Variants in PTPRT observed in about 807,000 individuals in gnomAD.
The protein encoded by PTPRT is receptor-type tyrosine-protein phosphatase T.
PTPRT carries 56 observed loss-of-function variants against 176.8 expected under a neutral mutation model. The ratio of observed to expected loss-of-function variants is 0.32; its 90% CI spans 0.26 to 0.40. PTPRT has a LOEUF of 0.40. Ranked by LOEUF, PTPRT falls within the 10% of genes least tolerant of loss-of-function variation. The pLI, the probability that PTPRT is intolerant of heterozygous loss-of-function variation, is 1.00. For missense variants in PTPRT, 1,540 were observed against 1,908.2 expected, an observed-to-expected ratio of 0.81 and a Z score of 3.60; for synonymous variants, 783 against 739.0, an observed-to-expected ratio of 1.06 and a Z score of -0.96.
At chr20:43,099,664 C>A (rs2012311401) in intron 1 of PTPRT, among the ~76,000 whole-genome samples, 1 of 152,184 alleles carries the variant, frequency 6.6e-6, no homozygotes, top group South Asian at 2.1e-4. Flanking sequence ...ACCTCCGGGT[C>A]TCTGCTTCTG....
chr20:42,274,866 G>A (rs961958584), intron 13 of PTPRT, among the ~76,000 whole-genome samples: 2 of 152,130 alleles, frequency 1.3e-5, no homozygotes, highest in Non-Finnish European at 2.9e-5. Flanking sequence ...ACCATCACAT[G>A]CTAAATATTC....
intron 1 of PTPRT, among the ~76,000 whole-genome samples, chr20:43,187,620 G>T (rs1371707681): frequency 6.6e-6 from 1 of 151,944 alleles, no homozygotes; most frequent in Non-Finnish European, 1.5e-5. Flanking sequence ...TTCGTTTAAG[G>T]AGCCCCTGGC....
At chr20:42,632,750 C>T (rs1010682969) in intron 7 of PTPRT, among the ~76,000 whole-genome samples, 1 of 151,404 alleles carries the variant, frequency 6.6e-6, no homozygotes, top group Non-Finnish European at 1.5e-5. Flanking sequence ...AGTATAGCAG[C>T]TTTCCTGAGT....
rs966115650 is a variant in PTPRT, at chr20:42,270,304, G to A, written c.2176+12185C>T. On this transcript the variant is annotated intron_variant, in intron 13 of 30. Transcript: ENST00000373187. ...GGTGGGTGGGTGGGTGGGGTGGAAA[G>A]ACTGCTGATTCCTCTCTGGTGCACC... The A allele has an allele frequency of 2.2e-5, 27 of 1,225,384 alleles. No homozygotes were observed. In the African/African-American group the frequency reaches 2.4e-4, roughly 11 times the overall value. The allele number at this position is 1,225,384 out of a possible 1,614,324, so 75.9% of individuals were successfully genotyped here.
chr20:42,438,047 C>T (rs988553362), intron 9 of PTPRT, among the ~76,000 whole-genome samples: 9 of 152,164 alleles, frequency 5.9e-5, no homozygotes, highest in Non-Finnish European at 1.3e-4. Context: ...GAAAGGACCA[C>T]AGCAGCCAGG....
At chr20:43,109,612 T>C (rs981898994) in intron 1 of PTPRT, among the ~76,000 whole-genome samples, 1 of 152,106 alleles carries the variant, frequency 6.6e-6, no homozygotes, top group Non-Finnish European at 1.5e-5. Context: ...CTTCCTTCAT[T>C]TGAGTGAACA....
chr20:43,061,960 G>T (rs1987480262), intron 1 of PTPRT, among the ~76,000 whole-genome samples: 1 of 152,204 alleles, frequency 6.6e-6, no homozygotes, highest in Admixed American at 6.5e-5. Flanking sequence ...AATGGGTGAA[G>T]CTTAAAAACA....
At chr20:42,486,836 C>G (rs2071472458) in intron 7 of PTPRT, among the ~76,000 whole-genome samples, 1 of 152,090 alleles carries the variant, frequency 6.6e-6, no homozygotes, top group African/African-American at 2.4e-5. Context: ...GCCAAGCCAA[C>G]CCATGTAGGA....
In PTPRT at chr20:42,409,629, T is replaced by G. The variant is rs189470312; in HGVS notation, c.1560+38591A>C. Among the ~76,000 whole-genome samples the G allele has an allele frequency of 9.8e-5, 15 of 152,298 alleles. No homozygotes were observed. The East Asian group carries it at 2.9e-3, about 29-fold the overall frequency. ...GTGGAGCAGTCTGAAATAAATTGTG[T>G]CTCTATTTTGTTTCTGATGTAGTTT... On this transcript the variant is annotated intron_variant, in intron 9 of 30. Coordinates refer to ENST00000373187, the MANE Select transcript of PTPRT (RefSeq NM_007050.6).
chr20:42,877,983 G>C (rs2078961925), intron 2 of PTPRT, among the ~76,000 whole-genome samples: 1 of 152,214 alleles, frequency 6.6e-6, no homozygotes, highest in Non-Finnish European at 1.5e-5. Flanking sequence ...ATGGGCAAAT[G>C]TCCAGGACTA....
chr20:42,744,164 T>G (rs1375937281), intron 6 of PTPRT, among the ~76,000 whole-genome samples: 2 of 152,194 alleles, frequency 1.3e-5, no homozygotes, highest in African/African-American at 4.8e-5. Flanking sequence ...CGACTCCTAG[T>G]GCAAGACCTA....
intron 18 of PTPRT, among the ~76,000 whole-genome samples, chr20:42,134,182 A>T (rs1205381348): frequency 6.6e-6 from 1 of 152,182 alleles, no homozygotes; most frequent in Non-Finnish European, 1.5e-5. Context: ...AAGGATAAAA[A>T]ATTGTGTTTA....
At chr20:42,859,301 T>C (rs183031044) in intron 2 of PTPRT, among the ~76,000 whole-genome samples, 163 of 152,284 alleles carry the variant, frequency 1.1e-3, no homozygotes, top group Admixed American at 2.9e-3. Context: ...CACCATGTCA[T>C]AGGTCACACA....
intron 1 of PTPRT, among the ~76,000 whole-genome samples, chr20:43,043,260 A>T (rs780047716): frequency 6.6e-6 from 1 of 152,190 alleles, no homozygotes; most frequent in African/African-American, 2.4e-5. Context: ...TCAGGGAGGC[A>T]TTGGGAACAT....
chr20:42,767,863 T>C (rs1181581381), intron 5 of PTPRT, among the ~76,000 whole-genome samples: 1 of 146,672 alleles, frequency 6.8e-6, no homozygotes, highest in Non-Finnish European at 1.5e-5. Context: ...TAATTTGTTA[T>C]ATGTATAACA....
chr20:42,552,961 C>T (rs1304613675), intron 7 of PTPRT, among the ~76,000 whole-genome samples: 1 of 152,074 alleles, frequency 6.6e-6, no homozygotes. Context: ...GCAATAAGAA[C>T]CGCCTTGAGT....
At chr20:42,727,676 T>C (rs546733524) in intron 6 of PTPRT, among the ~76,000 whole-genome samples, 5 of 152,236 alleles carry the variant, frequency 3.3e-5, no homozygotes, top group Non-Finnish European at 5.9e-5. Flanking sequence ...AGTTTTCTTC[T>C]GGAGACTCCA....
intron 17 of PTPRT, among the ~76,000 whole-genome samples, chr20:42,151,998 AT>A (rs1348928518): frequency 3.3e-5 from 5 of 152,204 alleles, no homozygotes; most frequent in African/African-American, 9.6e-5. Flanking sequence ...CAGTTAACAC[AT>A]TTACTGATGT....
intron 17 of PTPRT, among the ~76,000 whole-genome samples, chr20:42,145,878 T>C (rs1219586090): frequency 6.6e-6 from 1 of 152,202 alleles, no homozygotes; most frequent in African/African-American, 2.4e-5. Flanking sequence ...GTGCTAGGTT[T>C]TGGGCACCAA....
Sources: gnomAD v4.1 joint callset for allele counts (sites outside exome capture counted in the v4.1 genomes callset) on GRCh38, gnomAD v4.1.1 for gene constraint, MANE v1.5 for transcripts, NCBI Gene and HGNC (gene_info 2026-07-23, HGNC 2026-07-21) for gene names.